MYZAP: variants seen among roughly 807,000 people sequenced by gnomAD.
MYZAP encodes the protein GRINL1A complex locus upstream.
In MYZAP, 66 loss-of-function variants were observed where a neutral mutation model predicts 69.4. The ratio of observed to expected loss-of-function variants is 0.95; its 90% CI spans 0.78 to 1.17. The LOEUF (loss-of-function observed/expected upper bound fraction) is 1.17, where lower values mean the gene tolerates loss of function less well. MYZAP is among the 50% of genes most tolerant of loss of function. The probability of loss-of-function intolerance (pLI) is 0.00; values close to 1 mark genes in which losing one functional copy is unlikely to be tolerated. For synonymous variants in MYZAP, 256 were observed against 205.9 expected, an observed-to-expected ratio of 1.24 and a Z score of -2.09; for missense variants, 611 against 556.2, an observed-to-expected ratio of 1.10 and a Z score of -0.99.
intron 11 of MYZAP, among the ~76,000 whole-genome samples, chr15:57,662,572 G>A (rs904054668): frequency 6.6e-6 from 1 of 152,206 alleles, no homozygotes; most frequent in Non-Finnish European, 1.5e-5. Context: ...ATGTGTGGGT[G>A]ACAGTGAAAT....
chr15:57,618,240 C>A, intron 3 of MYZAP, 52 bp downstream of exon 3: 1 of 1,590,358 alleles, frequency 6.3e-7, no homozygotes, highest in Non-Finnish European at 8.6e-7. Context: ...TTGTAGCATG[C>A]AAGAGAATGG....
chr15:57,653,095 A>G (rs1428172966), intron 10 of MYZAP, among the ~76,000 whole-genome samples: 4 of 152,160 alleles, frequency 2.6e-5, no homozygotes, highest in African/African-American at 9.7e-5. Flanking sequence ...ATAACAAAGC[A>G]GGGGTGTTGG....
chr15:57,630,257 C>T (rs755439545), intron 6 of MYZAP, among the ~76,000 whole-genome samples: 20 of 152,204 alleles, frequency 1.3e-4, no homozygotes, highest in African/African-American at 1.7e-4. Context: ...CGTGAGCCAC[C>T]GTGCTTGGCC....
At chr15:57,651,906 T>A (rs1380738362) in intron 10 of MYZAP, among the ~76,000 whole-genome samples, 2 of 152,210 alleles carry the variant, frequency 1.3e-5, no homozygotes, top group South Asian at 4.1e-4. Flanking sequence ...CCTCTCCTTC[T>A]GGAGAAGTTG....
intron 10 of MYZAP, chr15:57,646,034 TTCAAGTACTTC>T (rs1285082708): frequency 3.5e-5 from 21 of 594,602 alleles, no homozygotes; most frequent in Admixed American, 5.1e-5. Context: ...TTTAGAGGAT[TTCAAGTACTTC>T]TCATAATTGG....
At chr15:57,673,261 C>A (rs2038953306) in intron 11 of MYZAP, among the ~76,000 whole-genome samples, 1 of 152,134 alleles carries the variant, frequency 6.6e-6, no homozygotes, top group African/African-American at 2.4e-5. Flanking sequence ...AGGTATTAGA[C>A]CCAGCATGCT....
At chr15:57,657,271 T>C (rs2038055111) in intron 10 of MYZAP, among the ~76,000 whole-genome samples, 1 of 152,222 alleles carries the variant, frequency 6.6e-6, no homozygotes. Flanking sequence ...AAGCTTTTAG[T>C]TCCATTTTGC....
intron 6 of MYZAP, among the ~76,000 whole-genome samples, chr15:57,630,946 G>T (rs1404987226): frequency 6.6e-6 from 1 of 152,140 alleles, no homozygotes; most frequent in African/African-American, 2.4e-5. Context: ...GGGTAGGCTG[G>T]GTGGGGAAGA....
chr15:57,631,775 A>G (rs547807332), intron 6 of MYZAP, among the ~76,000 whole-genome samples: 1 of 152,356 alleles, frequency 6.6e-6, no homozygotes, highest in East Asian at 1.9e-4. Context: ...TCCAGAGTTT[A>G]GGTATGCAGC....
At chr15:57,683,371 A>T (rs1197822534) in intron 12 of MYZAP, among the ~76,000 whole-genome samples, 1 of 152,182 alleles carries the variant, frequency 6.6e-6, no homozygotes, top group African/African-American at 2.4e-5. Context: ...GAAGGGGCAG[A>T]GTAGGGCTGA....
At chr15:57,622,349 T>C (rs566507179) in intron 4 of MYZAP, among the ~76,000 whole-genome samples, 2 of 152,186 alleles carry the variant, frequency 1.3e-5, no homozygotes, top group South Asian at 4.1e-4. Context: ...TCCACATTAC[T>C]GTACCATTTT....
At chr15:57,592,175 GA>G (rs2033717312) in intron 1 of MYZAP, 66 bp downstream of exon 1, 2 of 1,238,086 alleles carry the variant, frequency 1.6e-6, no homozygotes, top group East Asian at 3.2e-5. Context: ...CTCTAGAGGG[GA>G]CTAGGGATGG....
rs770945854 is a variant in MYZAP, at chr15:57,625,907, A to G, written c.525+15A>G. On this transcript the variant is annotated intron_variant, in intron 5 of 12. Coordinates refer to ENST00000267853, the MANE Select transcript of MYZAP (RefSeq NM_001018100.5). ...TTGGCCTGCAGGTACTCATCTGCTT[A>G]CTGCTATGACAGGGCAACCCAGCTT... The G allele has an allele frequency of 6.8e-6, 11 of 1,609,754 alleles. No homozygotes were observed. The African/African-American group carries it at 8.0e-5, about 12-fold the overall frequency.
chr15:57,643,727 G>A (rs1248041294), intron 10 of MYZAP, among the ~76,000 whole-genome samples: 1 of 150,376 alleles, frequency 6.6e-6, no homozygotes, highest in Non-Finnish European at 1.5e-5. Context: ...AATTTCTTAA[G>A]AGGTTTTTTT....
chr15:57,668,475 T>C (rs1411351264), intron 11 of MYZAP, among the ~76,000 whole-genome samples: 2 of 152,218 alleles, frequency 1.3e-5, no homozygotes, highest in African/African-American at 4.8e-5. Context: ...CCATTCAGTG[T>C]TATAGCTTTT....
At chr15:57,629,453 A>G (rs973652311) in intron 5 of MYZAP, among the ~76,000 whole-genome samples, 1 of 152,158 alleles carries the variant, frequency 6.6e-6, no homozygotes, top group Non-Finnish European at 1.5e-5. Context: ...AGCAGTGGCA[A>G]GTGGTGTTGG....
In MYZAP at chr15:57,629,737, C is replaced by A. The variant is rs2036382551; in HGVS notation, c.561C>A (p.Asn187Lys). 1.9e-6 allele frequency: 3 copies of A among 1,612,034 alleles called. No homozygotes were observed. The highest frequency in any genetic ancestry group is 2.5e-6 in the Non-Finnish European group (3 of 1,179,572). Residue 187 changes from asparagine (N) to lysine (K), a missense_variant, in exon 6 of 13, where the codon AAC (asparagine) becomes AAA (lysine). Coordinates refer to ENST00000267853, the MANE Select transcript of MYZAP (RefSeq NM_001018100.5). ...TLVDVTLENS[N>K]IKDQIRNLQQ... is the part of the protein sequence containing the mutation. Reference sequence around the variant, plus strand: ...TGGATGTGACTTTGGAAAACAGCAACATTAAGGATCAAATCAGAAATCTGC... The same window carrying A: ...TGGATGTGACTTTGGAAAACAGCAAAATTAAGGATCAAATCAGAAATCTGC...
intron 2 of MYZAP, among the ~76,000 whole-genome samples, chr15:57,608,342 A>C (rs2034888829): frequency 6.6e-6 from 1 of 152,160 alleles, no homozygotes; most frequent in Non-Finnish European, 1.5e-5. Flanking sequence ...AATTGCTCCC[A>C]ATGTGGGTGT....
intron 10 of MYZAP, chr15:57,646,197 G>T (rs1349049052): frequency 7.8e-7 from 1 of 1,289,198 alleles, no homozygotes; most frequent in Non-Finnish European, 1.0e-6. Context: ...ATGATAAGTT[G>T]GTAGCCTGCT....
Sources: allele counts gnomAD v4.1 joint callset (sites outside exome capture counted in the v4.1 genomes callset), GRCh38; gene constraint gnomAD v4.1.1; transcripts MANE v1.5; gene names NCBI Gene and HGNC (gene_info 2026-07-23, HGNC 2026-07-21).